DLG2: variants seen among roughly 807,000 people sequenced by gnomAD.
DLG2 encodes the protein discs large MAGUK scaffold protein 2.
In DLG2, 45 loss-of-function variants were observed where a neutral mutation model predicts 132.5. The observed-to-expected ratio is 0.34, with a 90% CI of 0.27 to 0.44. The LOEUF is 0.44. DLG2 is among the 20% of genes least tolerant of loss of function. DLG2 has a pLI of 1.00. For synonymous variants in DLG2, 424 were observed against 419.6 expected, an observed-to-expected ratio of 1.01 and a Z score of -0.13; for missense variants, 1,045 against 1,196.9, an observed-to-expected ratio of 0.87 and a Z score of 1.87.
chr11:84,512,698 C>A, intron 7 of DLG2, among the ~76,000 whole-genome samples: 1 of 150,932 alleles, frequency 6.6e-6, no homozygotes, highest in African/African-American at 2.4e-5. Flanking sequence ...CTTTATAGGC[C>A]AAGAGAAAAT....
In DLG2 at chr11:84,493,406, C is replaced by T. The variant is rs529216866; in HGVS notation, c.519+41164G>A. 7.9e-5 allele frequency among the ~76,000 whole-genome samples: 12 copies of T among 152,154 alleles called. 1 individual carries two copies. The South Asian group carries it at 1.5e-3, about 18-fold the overall frequency. ...GTAATTGGTGTGTTTGGCAACTCTC[C>T]TCCTAGTCACCCATAAACTCTCTCC... On this transcript the variant is annotated intron_variant, in intron 7 of 27. Coordinates refer to ENST00000376104, the MANE Select transcript of DLG2 (RefSeq NM_001142699.3).
intron 4 of DLG2, among the ~76,000 whole-genome samples, chr11:85,230,904 G>A (rs1048558686): frequency 2.6e-5 from 4 of 151,840 alleles, no homozygotes; most frequent in East Asian, 1.9e-4. Context: ...CTTCCACCAC[G>A]TGAGGATACA....
chr11:83,860,739 G>A (rs560076696), intron 16 of DLG2, among the ~76,000 whole-genome samples: 43 of 152,196 alleles, frequency 2.8e-4, no homozygotes, highest in African/African-American at 9.9e-4. Context: ...GGCCAGGCGT[G>A]GAATAATATG....
At chr11:84,495,967 G>T (rs867861248) in intron 7 of DLG2, among the ~76,000 whole-genome samples, 1 of 152,104 alleles carries the variant, frequency 6.6e-6, no homozygotes. Context: ...TCCAGAGCAG[G>T]GCTGAGTTTC....
chr11:85,430,599 A>G (rs1464558245), intron 3 of DLG2, among the ~76,000 whole-genome samples: 1 of 152,148 alleles, frequency 6.6e-6, no homozygotes, highest in African/African-American at 2.4e-5. Context: ...AAATGTAACA[A>G]TTCTTAGTAC....
chr11:84,371,259 CT>C (rs576166355), intron 7 of DLG2, among the ~76,000 whole-genome samples: 39,288 of 137,512 alleles, frequency 0.29, 7,879 homozygotes, highest in African/African-American at 0.62. Flanking sequence ...TATACAAAAT[CT>C]TTTTTTTTTT....
intron 21 of DLG2, among the ~76,000 whole-genome samples, chr11:83,516,494 C>T (rs2095299160): frequency 6.6e-6 from 1 of 152,092 alleles, no homozygotes; most frequent in Non-Finnish European, 1.5e-5. Flanking sequence ...CCAGTCTGTG[C>T]CTTTTAATTG....
At chr11:83,694,425 C>T (rs947736299) in intron 18 of DLG2, among the ~76,000 whole-genome samples, 2 of 152,178 alleles carry the variant, frequency 1.3e-5, no homozygotes, top group Non-Finnish European at 2.9e-5. Flanking sequence ...ACATGATTCA[C>T]AGTCATTCAT....
At chr11:83,883,238 C>T (rs867893752) in intron 15 of DLG2, among the ~76,000 whole-genome samples, 137 of 152,212 alleles carry the variant, frequency 9.0e-4, no homozygotes, top group African/African-American at 3.1e-3. Context: ...GAATTTTCAA[C>T]GTCTGGCCAC....
chr11:84,226,208 C>A (rs1184421875), intron 8 of DLG2, among the ~76,000 whole-genome samples: 3 of 152,158 alleles, frequency 2.0e-5, no homozygotes, highest in Non-Finnish European at 4.4e-5. Flanking sequence ...TTTTTTAAGT[C>A]CCTAACATAA....
At chr11:83,618,662 C>G (rs1289303937) in intron 19 of DLG2, among the ~76,000 whole-genome samples, 1 of 152,166 alleles carries the variant, frequency 6.6e-6, no homozygotes, top group East Asian at 1.9e-4. Flanking sequence ...TTGGCCTACT[C>G]TACTCTGCTG....
intron 9 of DLG2, among the ~76,000 whole-genome samples, chr11:84,150,552 C>T (rs1029923757): frequency 1.3e-5 from 2 of 152,120 alleles, no homozygotes; most frequent in African/African-American, 4.8e-5. Flanking sequence ...GTTTTCTATT[C>T]TCTCAGTAAA....
chr11:84,405,332 G>T (rs1428796993), intron 7 of DLG2, among the ~76,000 whole-genome samples: 1 of 152,126 alleles, frequency 6.6e-6, no homozygotes, highest in Non-Finnish European at 1.5e-5. Context: ...GGAAGACCAA[G>T]CACCATACAT....
intron 6 of DLG2, among the ~76,000 whole-genome samples, chr11:84,887,001 C>A (rs777954125): frequency 1.1e-4 from 16 of 152,106 alleles, no homozygotes; most frequent in East Asian, 7.7e-4. Flanking sequence ...AAGAATGCTA[C>A]TAAACTGAAG....
At chr11:84,928,265 A>G (rs2047641221) in intron 6 of DLG2, among the ~76,000 whole-genome samples, 1 of 151,882 alleles carries the variant, frequency 6.6e-6, no homozygotes, top group South Asian at 2.1e-4. Context: ...CCTTTGAGTA[A>G]AAAAATAAAA....
intron 3 of DLG2, among the ~76,000 whole-genome samples, chr11:85,352,267 A>G (rs2083351228): frequency 6.6e-6 from 1 of 152,004 alleles, no homozygotes; most frequent in African/African-American, 2.4e-5. Flanking sequence ...CCCCTTTATC[A>G]TTTTTTATTG....
intron 6 of DLG2, among the ~76,000 whole-genome samples, chr11:84,596,734 C>T (rs1291575038): frequency 6.6e-6 from 1 of 152,188 alleles, no homozygotes; most frequent in African/African-American, 2.4e-5. Context: ...ACTAGATGAC[C>T]TCTAAATTAC....
chr11:84,504,870 T>C lies in DLG2; in HGVS notation c.519+29700A>G, dbSNP rs370665068. On this transcript the variant is annotated intron_variant, in intron 7 of 27. Transcript: ENST00000376104. ...TTGATGGCTCTTTGACTGAATCATC[T>C]ATTTGCAAATAAGTTCAAATATACC... Among the ~76,000 whole-genome samples the C allele has an allele frequency of 2.2e-4, 33 of 152,164 alleles. 1 individual carries two copies. The highest frequency in any genetic ancestry group is 1.9e-3 in the East Asian group (10 of 5,200).
At chr11:84,242,343 TG>T (rs2097241107) in intron 8 of DLG2, among the ~76,000 whole-genome samples, 1 of 152,216 alleles carries the variant, frequency 6.6e-6, no homozygotes, top group African/African-American at 2.4e-5. Flanking sequence ...GGTCTTCTGT[TG>T]GTTTTTTTTT....
Sources: gnomAD v4.1 joint callset for allele counts (sites outside exome capture counted in the v4.1 genomes callset) on GRCh38, gnomAD v4.1.1 for gene constraint, MANE v1.5 for transcripts, NCBI Gene and HGNC (gene_info 2026-07-23, HGNC 2026-07-21) for gene names.